The following EXOC4 variants were observed in gnomAD, a reference collection of about 807,000 sequenced individuals.
EXOC4 encodes the protein exocyst complex component 4, also known as SEC8-like 1.
Under a neutral mutation model 107.2 loss-of-function variants are expected in EXOC4, and 71 were observed. The observed-to-expected ratio is 0.66, with a 90% CI of 0.55 to 0.81. The LOEUF is 0.81. EXOC4 is among the 30% of genes least tolerant of loss of function. The pLI is 0.00. For missense variants in EXOC4, 1,108 were observed against 1,189.6 expected (o/e 0.93, Z 1.01); for synonymous variants, 456 against 441.2 (o/e 1.03, Z -0.42).
At chr7:134,052,150 G>A (rs1327682639) in intron 17 of EXOC4, among the ~76,000 whole-genome samples, 1 of 152,186 alleles carries the variant, frequency 6.6e-6, no homozygotes, top group Admixed American at 6.5e-5. Context: ...GACAGGCAGT[G>A]AATACAAATG....
chr7:133,720,018 C>G (rs1445496696), intron 10 of EXOC4, among the ~76,000 whole-genome samples: 1 of 152,178 alleles, frequency 6.6e-6, no homozygotes, highest in Non-Finnish European at 1.5e-5. Flanking sequence ...CTAATATGTT[C>G]TCACCATCGC....
chr7:133,350,832 G>A (rs948882230), intron 5 of EXOC4, among the ~76,000 whole-genome samples: 3 of 151,780 alleles, frequency 2.0e-5, no homozygotes, highest in Non-Finnish European at 2.9e-5. Flanking sequence ...CATGGGATGC[G>A]TTTCCATTCA....
intron 7 of EXOC4, among the ~76,000 whole-genome samples, chr7:133,402,637 T>C (rs1458165389): frequency 3.9e-5 from 6 of 152,150 alleles, no homozygotes; most frequent in Non-Finnish European, 8.8e-5. Flanking sequence ...TAGCTGGGAT[T>C]ATAGGCATGC....
At chr7:133,572,454 TA>T (rs1028710162) in intron 9 of EXOC4, among the ~76,000 whole-genome samples, 11 of 152,020 alleles carry the variant, frequency 7.2e-5, no homozygotes, top group East Asian at 1.9e-4. Context: ...TTATTCAATA[TA>T]AAAAAAATAA....
At chr7:133,971,283 T>A (rs574777093) in intron 14 of EXOC4, among the ~76,000 whole-genome samples, 5 of 138,138 alleles carry the variant, frequency 3.6e-5, no homozygotes, top group Admixed American at 7.9e-5. Flanking sequence ...TTAAAAAAAA[T>A]ATTCCCAGCT....
intron 10 of EXOC4, among the ~76,000 whole-genome samples, chr7:133,710,727 G>A (rs1794873159): frequency 6.6e-6 from 1 of 151,656 alleles, no homozygotes; most frequent in Non-Finnish European, 1.5e-5. Context: ...CTGTCCAGTA[G>A]CCTCAACTAT....
At chr7:133,923,341 C>T (rs1415291514) in intron 13 of EXOC4, among the ~76,000 whole-genome samples, 1 of 151,972 alleles carries the variant, frequency 6.6e-6, no homozygotes, top group Non-Finnish European at 1.5e-5. Flanking sequence ...ATTGGCCAGG[C>T]TAGTCTCGAA....
intron 9 of EXOC4, among the ~76,000 whole-genome samples, chr7:133,622,668 T>C (rs549984784): frequency 6.6e-6 from 1 of 152,278 alleles, no homozygotes; most frequent in South Asian, 2.1e-4. Context: ...CACCTACATT[T>C]ATAGTGAGGC....
chr7:133,601,617 A>T (rs1801808892), intron 9 of EXOC4, among the ~76,000 whole-genome samples: 1 of 152,152 alleles, frequency 6.6e-6, no homozygotes, highest in African/African-American at 2.4e-5. Context: ...TCATAGTTGG[A>T]AAAAGAGAAA....
chr7:133,275,030 T>G lies in EXOC4; in HGVS notation c.135T>G (p.Gly45=), dbSNP rs1398776345. The change falls in exon 2 of 18, where the codon GGT becomes GGG. Residue 45 remains glycine, a synonymous_variant. Transcript: ENST00000253861. ...TCGAAGACAGGGAAAATGAAAAGGG[T>G]CGCCTTGAAGAAGCCTACGAGAAAT... is the stretch of plus-strand genomic sequence containing the variant. ...DDVEDRENEK[G]RLEEAYEKCD... 6.2e-7 allele frequency: 1 copy of G among 1,613,346 alleles called. No individual in the cohort carries two copies. The highest frequency in any genetic ancestry group is 1.1e-5 in the South Asian group (1 of 91,006).
At chr7:133,819,189 T>G (rs544136118) in intron 11 of EXOC4, among the ~76,000 whole-genome samples, 1 of 152,228 alleles carries the variant, frequency 6.6e-6, no homozygotes, top group African/African-American at 2.4e-5. Context: ...TGCCTCAGTA[T>G]CCCTTGTTCC....
At chr7:133,274,918 C>G in intron 1 of EXOC4, 64 bp from the exon 2 acceptor site, 1 of 1,297,106 alleles carries the variant, frequency 7.7e-7, no homozygotes, top group Non-Finnish European at 1.0e-6. Flanking sequence ...CTTTCTGCTT[C>G]ACCTTTCTTT....
chr7:133,879,086 G>A (rs1440273949), intron 11 of EXOC4, among the ~76,000 whole-genome samples: 1 of 152,018 alleles, frequency 6.6e-6, no homozygotes, highest in African/African-American at 2.4e-5. Flanking sequence ...TGTTTTATTA[G>A]GGGCCACAAA....
At chr7:133,557,855 A>G (rs1302396397) in intron 9 of EXOC4, among the ~76,000 whole-genome samples, 5 of 152,102 alleles carry the variant, frequency 3.3e-5, no homozygotes, top group African/African-American at 2.4e-5. Context: ...GCCAGGCATG[A>G]TGGCAGGTGC....
intron 11 of EXOC4, among the ~76,000 whole-genome samples, chr7:133,866,688 A>G (rs1798647726): frequency 1.3e-5 from 2 of 152,168 alleles, no homozygotes; most frequent in African/African-American, 4.8e-5. Context: ...CGCTGGATCC[A>G]AGAGCCTATG....
intron 10 of EXOC4, among the ~76,000 whole-genome samples, chr7:133,702,270 C>T (rs1441522535): frequency 7.7e-6 from 1 of 130,486 alleles, no homozygotes. Context: ...ACCAGAACAC[C>T]CGCATCAGCT....
chr7:133,645,026 T>C (rs1802953857), intron 10 of EXOC4, among the ~76,000 whole-genome samples: 1 of 151,696 alleles, frequency 6.6e-6, no homozygotes, highest in South Asian at 2.1e-4. Flanking sequence ...TCCTCCTCCT[T>C]CACCTGGTGA....
chr7:134,006,940 A>G (rs1235736177), intron 16 of EXOC4, among the ~76,000 whole-genome samples: 2 of 152,158 alleles, frequency 1.3e-5, no homozygotes, highest in East Asian at 1.9e-4. Context: ...TAAATTTTGC[A>G]GACCATAAGA....
At chr7:133,745,869 T>G (rs2151133141) in intron 10 of EXOC4, among the ~76,000 whole-genome samples, 1 of 152,226 alleles carries the variant, frequency 6.6e-6, no homozygotes, top group South Asian at 2.1e-4. Flanking sequence ...ATATTGTGTC[T>G]AATGCCAAGT....
Sources: allele counts gnomAD v4.1 joint callset (sites outside exome capture counted in the v4.1 genomes callset), GRCh38; gene constraint gnomAD v4.1.1; transcripts MANE v1.5; gene names NCBI Gene and HGNC (gene_info 2026-07-23, HGNC 2026-07-21).